LRRC40: variants seen among roughly 807,000 people sequenced by gnomAD.
LRRC40 encodes the protein leucine rich repeat containing 40.
A neutral mutation model predicts 72.8 loss-of-function variants in LRRC40; 76 were observed. The ratio of observed to expected loss-of-function variants is 1.04; its 90% CI spans 0.87 to 1.26. LRRC40 has a LOEUF of 1.26. LRRC40 is among the 50% of genes most tolerant of loss of function. LRRC40 has a pLI of 0.00. For synonymous variants in LRRC40, 243 were observed against 254.2 expected (o/e 0.96, Z 0.42); for missense variants, 684 against 698.9 (o/e 0.98, Z 0.24).
intron 7 of LRRC40, among the ~76,000 whole-genome samples, chr1:70,174,435 G>C (rs1411471577): frequency 6.6e-6 from 1 of 152,056 alleles, no homozygotes; most frequent in African/African-American, 2.4e-5. Flanking sequence ...CAAACACACT[G>C]CTACACGTTT....
chr1:70,203,989 T>G (rs1668817883), intron 1 of LRRC40, among the ~76,000 whole-genome samples: 1 of 152,228 alleles, frequency 6.6e-6, no homozygotes, highest in African/African-American at 2.4e-5. Context: ...TATTCACTCA[T>G]TTAAAATCAT....
At position 70,175,810 on chromosome 1, in the gene LRRC40, C is replaced by G. The variant is rs757932451; in HGVS notation, c.977G>C (p.Ser326Thr). ...RLDLSNNDISSLPYSLGNLHL... is the reference protein window; with the variant it reads ...RLDLSNNDISTLPYSLGNLHL... Reference sequence around the variant, plus strand: ...CTATTCATTTGATATTTAAACTTACCTACTAATATCATTGTTGCTTAGGTC... The same window carrying G: ...CTATTCATTTGATATTTAAACTTACGTACTAATATCATTGTTGCTTAGGTC... The change falls in exon 7 of 15, where the codon AGT becomes ACT. Residue 326 changes from serine (S) to threonine (T), a missense_variant and splice_region_variant. Coordinates refer to ENST00000370952, the MANE Select transcript of LRRC40 (RefSeq NM_017768.5). 6 of 1,529,534 alleles carry G rather than the reference C, an allele frequency of 3.9e-6. No individual in the cohort carries two copies. Among genetic ancestry groups the G allele is most frequent in the Non-Finnish European group, 5.3e-6 (6 of 1,136,280 alleles). The allele number at this position is 1,529,534 out of a possible 1,614,324, so 94.7% of individuals were successfully genotyped here. A position where few individuals can be genotyped will look rare whatever the true frequency, so the allele number is the denominator to read the frequency against.
At chr1:70,178,338 A>G (rs879054121) in intron 6 of LRRC40, among the ~76,000 whole-genome samples, 1 of 152,234 alleles carries the variant, frequency 6.6e-6, no homozygotes, top group Non-Finnish European at 1.5e-5. Flanking sequence ...TTCATTTTAT[A>G]TATCATCACT....
intron 4 of LRRC40, among the ~76,000 whole-genome samples, chr1:70,183,554 CCTCT>C (rs1303126790): frequency 1.0e-4 from 15 of 150,600 alleles, no homozygotes; most frequent in Middle Eastern, 3.4e-3. Context: ...CTTTTTCTTT[CCTCT>C]CTCTCTCTTT....
intron 10 of LRRC40, among the ~76,000 whole-genome samples, chr1:70,156,847 T>C (rs1390501799): frequency 6.6e-6 from 1 of 152,172 alleles, no homozygotes; most frequent in Non-Finnish European, 1.5e-5. Context: ...TTAAAACTTA[T>C]AAATTGTTTA....
At chr1:70,150,972 A>G (rs1265458244) in intron 13 of LRRC40, among the ~76,000 whole-genome samples, 156 bp downstream of exon 13, 1 of 152,232 alleles carries the variant, frequency 6.6e-6, no homozygotes, top group Non-Finnish European at 1.5e-5. Flanking sequence ...CTAAGAAAAT[A>G]ATATTTTTAA....
intron 1 of LRRC40, among the ~76,000 whole-genome samples, chr1:70,191,279 C>A (rs1406054063): frequency 2.6e-5 from 4 of 152,052 alleles, no homozygotes; most frequent in Non-Finnish European, 5.9e-5. Context: ...AGACATAGAA[C>A]ATTTGTGCAT....
At chr1:70,172,750 T>C (rs1314109660) in intron 9 of LRRC40, among the ~76,000 whole-genome samples, 2 of 152,122 alleles carry the variant, frequency 1.3e-5, no homozygotes, top group African/African-American at 4.8e-5. Context: ...ATCTTACTCA[T>C]TTAATATATG....
intron 9 of LRRC40, among the ~76,000 whole-genome samples, chr1:70,170,235 A>G (rs1667972443): frequency 6.6e-6 from 1 of 152,204 alleles, no homozygotes; most frequent in African/African-American, 2.4e-5. Context: ...AAAACCAGAA[A>G]GAGAAGGGAA....
At chr1:70,151,046 G>GT (rs1380815592) in intron 13 of LRRC40, 82 bp downstream of exon 13, 13 of 741,956 alleles carry the variant, frequency 1.8e-5, no homozygotes, top group East Asian at 1.1e-4. Flanking sequence ...GGGCCTTTTT[G>GT]TTTTTTTGGC....
chr1:70,153,452 G>A (rs1036304065), intron 11 of LRRC40, among the ~76,000 whole-genome samples: 45 of 151,960 alleles, frequency 3.0e-4, no homozygotes, highest in African/African-American at 1.1e-3. Flanking sequence ...AAAATGCTGT[G>A]CTGAAAAAGA....
chr1:70,178,421 C>G (rs1343703412), intron 6 of LRRC40, among the ~76,000 whole-genome samples: 1 of 152,132 alleles, frequency 6.6e-6, no homozygotes, highest in African/African-American at 2.4e-5. Context: ...GGCAAATTTA[C>G]AAGACACCAT....
At chr1:70,168,787 A>G (rs911167251) in intron 9 of LRRC40, among the ~76,000 whole-genome samples, 2 of 152,210 alleles carry the variant, frequency 1.3e-5, no homozygotes, top group Admixed American at 1.3e-4. Context: ...GCACATTATA[A>G]TGGAAATTTA....
rs374547940 is a variant in LRRC40 at position 70,190,508 on chromosome 1, A to G, written c.152-1235T>C. ...CCAGCCTAGGCATCAAAGAAAAACC[A>G]TATCTCTTAAAAAAAAAAATCAGCT... On this transcript the variant is annotated intron_variant, in intron 1 of 14. Coordinates refer to ENST00000370952, the MANE Select transcript of LRRC40 (RefSeq NM_017768.5). Among the ~76,000 whole-genome samples, 32 of 150,618 alleles carry G rather than the reference A, an allele frequency of 2.1e-4. No homozygotes were observed. In the East Asian group the frequency reaches 5.5e-3, roughly 26 times the overall value.
At chr1:70,148,448 T>C in intron 14 of LRRC40, 39 bp downstream of exon 14, 2 of 1,403,990 alleles carry the variant, frequency 1.4e-6, no homozygotes, top group Non-Finnish European at 1.9e-6. Flanking sequence ...AACAAATCAA[T>C]AAAATAAATG....
intron 2 of LRRC40, 95 bp downstream of exon 2, chr1:70,188,997 C>A (rs1289712568): frequency 9.7e-6 from 10 of 1,027,554 alleles, no homozygotes; most frequent in South Asian, 1.6e-5. Context: ...CCTTGCATTA[C>A]CAACTCAACA....
chr1:70,175,452 A>G (rs1409413206), intron 7 of LRRC40, among the ~76,000 whole-genome samples: 2 of 152,166 alleles, frequency 1.3e-5, no homozygotes, highest in Non-Finnish European at 2.9e-5. Flanking sequence ...AAACGTACCC[A>G]TATTTGGGAA....
chr1:70,185,340 G>C (rs868456827), intron 3 of LRRC40, among the ~76,000 whole-genome samples: 1 of 152,214 alleles, frequency 6.6e-6, no homozygotes. Flanking sequence ...CCTGGTGGGA[G>C]ATAGTATGAA....
chr1:70,169,666 C>T (rs2100277523), intron 9 of LRRC40, among the ~76,000 whole-genome samples: 1 of 151,886 alleles, frequency 6.6e-6, no homozygotes, highest in East Asian at 1.9e-4. Context: ...AACTATATGC[C>T]AACAAATTAA....
Sources: gnomAD v4.1 joint callset for allele counts (sites outside exome capture counted in the v4.1 genomes callset) on GRCh38, gnomAD v4.1.1 for gene constraint, MANE v1.5 for transcripts, NCBI Gene and HGNC (gene_info 2026-07-23, HGNC 2026-07-21) for gene names.